Variants in PTPRD observed in about 807,000 individuals in gnomAD.
PTPRD encodes protein tyrosine phosphatase receptor type D.
In PTPRD, 34 loss-of-function variants were observed where a neutral mutation model predicts 214.5. The observed-to-expected ratio is 0.16, with a 90% CI of 0.12 to 0.21. The LOEUF (loss-of-function observed/expected upper bound fraction) is 0.21, where lower values mean the gene tolerates loss of function less well. PTPRD is among the 10% of genes least tolerant of loss of function. The pLI, the probability that PTPRD is intolerant of heterozygous loss-of-function variation, is 1.00. For missense variants in PTPRD, 2,545 were observed against 2,398.7 expected, an observed-to-expected ratio of 1.06 and a Z score of -1.27; for synonymous variants, 1,128 against 845.7, an observed-to-expected ratio of 1.33 and a Z score of -5.79.
At chr9:10,282,182 T>C (rs1181140960) in intron 3 of PTPRD, among the ~76,000 whole-genome samples, 1 of 152,160 alleles carries the variant, frequency 6.6e-6, no homozygotes, top group African/African-American at 2.4e-5. Flanking sequence ...CTCCATGATA[T>C]AGAGAATTTA....
At chr9:9,557,112 T>C (rs1183261103) in intron 8 of PTPRD, among the ~76,000 whole-genome samples, 1 of 152,202 alleles carries the variant, frequency 6.6e-6, no homozygotes, top group African/African-American at 2.4e-5. Context: ...CTGGGTTTCA[T>C]TGCCATTGTA....
At chr9:8,905,341 C>T (rs943963891) in intron 11 of PTPRD, among the ~76,000 whole-genome samples, 2 of 151,722 alleles carry the variant, frequency 1.3e-5, no homozygotes, top group Admixed American at 1.3e-4. Flanking sequence ...TGGTTGCCCT[C>T]GGAAGTGCTA....
intron 5 of PTPRD, among the ~76,000 whole-genome samples, chr9:9,788,530 C>A (rs1375476766): frequency 4.6e-5 from 5 of 109,050 alleles, no homozygotes; most frequent in South Asian, 2.9e-4. Context: ...CCAGCCTGGG[C>A]AACAGTGAGA....
intron 19 of PTPRD, among the ~76,000 whole-genome samples, chr9:8,522,136 A>T (rs75366310): frequency 6.6e-6 from 1 of 152,220 alleles, no homozygotes; most frequent in Non-Finnish European, 1.5e-5. Flanking sequence ...ACAAACACAG[A>T]AATGTATATA....
At chr9:9,134,153 A>G (rs1478241595) in intron 10 of PTPRD, among the ~76,000 whole-genome samples, 2 of 132,064 alleles carry the variant, frequency 1.5e-5, no homozygotes, top group Non-Finnish European at 3.0e-5. Context: ...GCTCACTGCA[A>G]GCTCCGCTTC....
chr9:8,766,943 A>G (rs2094801150), intron 11 of PTPRD, among the ~76,000 whole-genome samples: 1 of 152,180 alleles, frequency 6.6e-6, no homozygotes, highest in African/African-American at 2.4e-5. Flanking sequence ...AGTTTTCAAG[A>G]ACCTATCAAC....
chr9:8,857,970 C>A (rs1030576589), intron 11 of PTPRD, among the ~76,000 whole-genome samples: 1 of 148,982 alleles, frequency 6.7e-6, no homozygotes, highest in African/African-American at 2.5e-5. Flanking sequence ...CTCCTCTTCC[C>A]GGGCCGTCCT....
At chr9:10,275,007 T>C (rs951806234) in intron 3 of PTPRD, among the ~76,000 whole-genome samples, 3 of 152,120 alleles carry the variant, frequency 2.0e-5, no homozygotes, top group African/African-American at 7.2e-5. Context: ...TACATATTTC[T>C]GAGTTTATGG....
intron 35 of PTPRD, among the ~76,000 whole-genome samples, chr9:8,416,912 G>T (rs942581739): frequency 1.3e-5 from 2 of 151,830 alleles, no homozygotes; most frequent in South Asian, 2.1e-4. Context: ...CACTCTTGGT[G>T]GTCCATAAAT....
chr9:8,437,673 A>T (rs1336961676), intron 34 of PTPRD, among the ~76,000 whole-genome samples: 1 of 152,170 alleles, frequency 6.6e-6, no homozygotes, highest in Non-Finnish European at 1.5e-5. Flanking sequence ...CCTACAATCT[A>T]CTTCAGGTGT....
At chr9:10,095,747 G>A (rs146140370) in intron 3 of PTPRD, among the ~76,000 whole-genome samples, 190 of 151,456 alleles carry the variant, frequency 1.3e-3, no homozygotes, top group African/African-American at 4.2e-3. Flanking sequence ...ATTATCAATG[G>A]CATTAATTTA....
intron 11 of PTPRD, among the ~76,000 whole-genome samples, chr9:8,980,738 A>C (rs1418778253): frequency 6.6e-6 from 1 of 152,076 alleles, no homozygotes; most frequent in East Asian, 1.9e-4. Context: ...CCCTACCTTG[A>C]ATGATAGAGG....
At chr9:9,234,348 G>A (rs189573877) in intron 9 of PTPRD, among the ~76,000 whole-genome samples, 10 of 152,282 alleles carry the variant, frequency 6.6e-5, no homozygotes, top group Admixed American at 1.3e-4. Flanking sequence ...GAGTGGGCGG[G>A]CCCTGGGCCC....
chr9:8,656,751 G>A (rs1187640389), intron 12 of PTPRD, among the ~76,000 whole-genome samples: 1 of 152,090 alleles, frequency 6.6e-6, no homozygotes, highest in Non-Finnish European at 1.5e-5. Flanking sequence ...ATTATTACTG[G>A]CCTTCCGGTA....
At chr9:8,743,114 A>AAG (rs1555254319) in intron 11 of PTPRD, among the ~76,000 whole-genome samples, 39 of 132,078 alleles carry the variant, frequency 3.0e-4, no homozygotes, top group African/African-American at 8.2e-4. Flanking sequence ...TAAAAAAAAA[A>AAG]GGGGGGGGGG....
intron 3 of PTPRD, among the ~76,000 whole-genome samples, chr9:10,109,167 G>A (rs953642752): frequency 4.6e-5 from 7 of 152,090 alleles, no homozygotes; most frequent in Admixed American, 2.0e-4. Context: ...CTAAAAAGAG[G>A]TTTTCTACAA....
chr9:9,916,970 A>G (rs1317570996), intron 5 of PTPRD, among the ~76,000 whole-genome samples: 3 of 151,924 alleles, frequency 2.0e-5, no homozygotes, highest in Non-Finnish European at 4.4e-5. Flanking sequence ...TAATGGGTGT[A>G]GGAAAAAGTT....
rs186341475 is a variant in PTPRD, at chr9:10,145,850, T to C, written c.-544-112060A>G. On this transcript the variant is annotated intron_variant, in intron 3 of 45. Coordinates refer to ENST00000381196, the MANE Select transcript of PTPRD (RefSeq NM_002839.4). ...TAGAAAATCTGGAAAATGGACATAA[T>C]GGCAAAATGAAAATTATTCAAAATC... Among the ~76,000 whole-genome samples, 761 of 152,144 alleles carry C rather than the reference T, an allele frequency of 5.0e-3. 7 individuals are homozygous for C. Among genetic ancestry groups the C allele is most frequent in the African/African-American group, 0.017 (723 of 41,540 alleles).
chr9:9,314,459 A>AT (rs1403892421), intron 9 of PTPRD, among the ~76,000 whole-genome samples: 1 of 152,082 alleles, frequency 6.6e-6, no homozygotes, highest in Non-Finnish European at 1.5e-5. Flanking sequence ...AATGCAGGTG[A>AT]TTTTTTGTTG....
Sources: gnomAD v4.1 joint callset for allele counts (sites outside exome capture counted in the v4.1 genomes callset) on GRCh38, gnomAD v4.1.1 for gene constraint, MANE v1.5 for transcripts, NCBI Gene and HGNC (gene_info 2026-07-23, HGNC 2026-07-21) for gene names.